RAD17: variants seen among roughly 807,000 people sequenced by gnomAD.
The protein encoded by RAD17 is RAD17 checkpoint clamp loader component.
RAD17 carries 31 observed loss-of-function variants against 81.5 expected under a neutral mutation model. The observed-to-expected ratio is 0.38, with a 90% CI of 0.29 to 0.51. RAD17 has a LOEUF of 0.51. RAD17 is among the 20% of genes least tolerant of loss of function. The pLI is 0.88. For synonymous variants in RAD17, 261 were observed against 266.2 expected, an observed-to-expected ratio of 0.98 and a Z score of 0.19; for missense variants, 681 against 781.2, an observed-to-expected ratio of 0.87 and a Z score of 1.53.
At chr5:69,375,978 A>G (rs1052743822) in intron 6 of RAD17, among the ~76,000 whole-genome samples, 1 of 152,112 alleles carries the variant, frequency 6.6e-6, no homozygotes, top group African/African-American at 2.4e-5. Context: ...TGATTAACTT[A>G]TTCGTCTATC....
intron 13 of RAD17, 86 bp downstream of exon 13, chr5:69,392,099 T>C (rs887729423): frequency 3.3e-6 from 4 of 1,216,196 alleles, no homozygotes; most frequent in Admixed American, 3.0e-5. Flanking sequence ...AAAAATGTCA[T>C]GTATTTTGGT....
intron 18 of RAD17, among the ~76,000 whole-genome samples, chr5:69,413,802 A>C (rs949982102): frequency 2.6e-5 from 4 of 152,212 alleles, no homozygotes; most frequent in Non-Finnish European, 5.9e-5. Flanking sequence ...CCCACAGTGC[A>C]GATAGTACAG....
rs577617741 is a variant in RAD17 at position 69,405,911 on chromosome 5, G to A, written c.1694-4582G>A. 5.9e-4 allele frequency among the ~76,000 whole-genome samples: 89 copies of A among 151,844 alleles called. 1 individual carries two copies. The highest frequency in any genetic ancestry group is 6.8e-3 in the Middle Eastern group (2 of 292). On this transcript the variant is annotated intron_variant, in intron 17 of 18. Transcript: ENST00000354868. ...TAAAAAATTAGCCAGATGTGGTGGT[G>A]TACTCCTGTAATCCCAGCTACCGTG...
intron 6 of RAD17, among the ~76,000 whole-genome samples, chr5:69,377,665 A>ATATGCATACATATATGCATG (rs1561240488): frequency 2.1e-5 from 1 of 46,968 alleles, no homozygotes; most frequent in African/African-American, 5.8e-5. Context: ...ATATATGTAT[A>ATATGCATACATATATGCATG]CATATATATA....
chr5:69,407,110 C>T (rs1397033026), intron 17 of RAD17, among the ~76,000 whole-genome samples: 1 of 147,844 alleles, frequency 6.8e-6, no homozygotes, highest in Non-Finnish European at 1.5e-5. Context: ...TCAAGCGATT[C>T]TCCTACCTCA....
At chr5:69,374,377 T>C (rs1355880347) in intron 5 of RAD17, among the ~76,000 whole-genome samples, 1 of 152,206 alleles carries the variant, frequency 6.6e-6, no homozygotes, top group African/African-American at 2.4e-5. Context: ...TCTCAAAATG[T>C]ATTTCTGAAT....
chr5:69,387,408 T>C (rs992032612), intron 11 of RAD17, among the ~76,000 whole-genome samples: 3 of 152,110 alleles, frequency 2.0e-5, no homozygotes, highest in African/African-American at 7.2e-5. Context: ...GAGGGAAATA[T>C]CCAAGGGAGA....
Position 69,377,484 on chromosome 5 carries a change from C to T in RAD17, c.351+2773C>T, listed in dbSNP as rs1561238962. Among the ~76,000 whole-genome samples the T allele has an allele frequency of 2.1e-3, 145 of 67,662 alleles. 30 individuals carry two copies. The highest frequency in any genetic ancestry group is 4.9e-3 in the African/African-American group (91 of 18,670). The allele number at this position is 67,662 out of a possible 152,430, so 44.4% of individuals were successfully genotyped here. On this transcript the variant is annotated intron_variant, in intron 6 of 18. Coordinates refer to ENST00000354868, the MANE Select transcript of RAD17 (RefSeq NM_133338.3). ...ATATATATATATATATACACACACACACATATATATACGTATATATATGTA... is the reference window on the plus strand; with the variant it reads ...ATATATATATATATATACACACACATACATATATATACGTATATATATGTA...
chr5:69,377,471 A>G (rs2150779597), intron 6 of RAD17, among the ~76,000 whole-genome samples: 1 of 5,700 alleles, frequency 1.8e-4, no homozygotes, highest in South Asian at 6.1e-3. Flanking sequence ...ATATATATAT[A>G]TATACACACA....
At chr5:69,370,820 C>G (rs1209168177) in intron 1 of RAD17, 2 of 186,172 alleles carry the variant, frequency 1.1e-5, no homozygotes, top group African/African-American at 4.8e-5. Context: ...TGCCTCCAAA[C>G]TGTAAAGTAG....
chr5:69,369,566 C>T, upstream of RAD17: 1 of 1,607,164 alleles, frequency 6.2e-7, no homozygotes, highest in South Asian at 1.1e-5. Flanking sequence ...AAGGGGCGGG[C>T]GGCAGCAAAA....
chr5:69,396,407 T>C lies in RAD17; in HGVS notation c.1433T>C (p.Leu478Ser). 1.2e-6 allele frequency: 2 copies of C among 1,610,878 alleles called. No homozygotes were observed. The highest frequency in any genetic ancestry group is 1.7e-6 in the Non-Finnish European group (2 of 1,178,362). ...ILSGDWNTRS[L>S]LREYSTSIAT... ...TGTCTCATTTGTTAGACACGCTCTT[T>C]ACTCAGGGAATATAGCACATCTATA... is the stretch of plus-strand genomic sequence containing the variant. Residue 478 changes from leucine (L) to serine (S), a missense_variant, in exon 16 of 19, where the codon TTA becomes TCA. Leu to Ser is a moderately radical substitution (Grantham distance 145, BLOSUM62 -2). Transcript: ENST00000354868.
In RAD17 at chr5:69,410,965, C is replaced by CCATATATATATATATATA. The variant is rs1554044687; in HGVS notation, c.1751+415_1751+416insCATATATATATATATATA. Among the ~76,000 whole-genome samples the CCATATATATATATATATA allele has an allele frequency of 9.4e-4, 85 of 90,234 alleles. 2 individuals are homozygous for CCATATATATATATATATA. The highest frequency in any genetic ancestry group is 1.6e-3 in the South Asian group (4 of 2,532). 59.2% of individuals were successfully genotyped at this position (90,234 alleles called of 152,430 possible). ...AAACAAGCAAAAAATAGATGTCTGT[C>CCATATATATATATATATA]TATATATATATATATATATATATAT... On this transcript the variant is annotated intron_variant, in intron 18 of 18. Transcript: ENST00000354868.
chr5:69,409,153 C>T (rs957936415), intron 17 of RAD17, among the ~76,000 whole-genome samples: 8 of 152,112 alleles, frequency 5.3e-5, no homozygotes, highest in African/African-American at 1.9e-4. Context: ...AATCTCTAAG[C>T]CACTTATTCT....
intron 12 of RAD17, among the ~76,000 whole-genome samples, chr5:69,389,444 AG>A (rs1764410504): frequency 6.6e-6 from 1 of 152,210 alleles, no homozygotes; most frequent in Non-Finnish European, 1.5e-5. Context: ...AGGCCTATGC[AG>A]GTGACTCTTA....
At chr5:69,381,430 G>C (rs904715188) in intron 6 of RAD17, among the ~76,000 whole-genome samples, 2 of 151,532 alleles carry the variant, frequency 1.3e-5, no homozygotes, top group African/African-American at 4.9e-5. Context: ...GCAGTGAGCC[G>C]AGATTATGCC....
chr5:69,370,854 A>C (rs1762922995), intron 1 of RAD17, 181 bp from the exon 2 acceptor site: 6 of 227,124 alleles, frequency 2.6e-5, no homozygotes, highest in Middle Eastern at 1.9e-3. Flanking sequence ...CCAATGTATA[A>C]GTTTGTAGAC....
Position 69,372,154 on chromosome 5 carries a change from T to C in RAD17, c.-55T>C, listed in dbSNP as rs553777490. The C allele has an allele frequency of 1.9e-6, 3 of 1,580,652 alleles. No individual in the cohort carries two copies. Among genetic ancestry groups the C allele is most frequent in the East Asian group, 2.3e-5 (1 of 44,414 alleles). Reference sequence around the variant, plus strand: ...AGATATTTTCATACTCTCAAAAATATAGAGGAAAGGGGCCAAGATTATAGT... The same window carrying C: ...AGATATTTTCATACTCTCAAAAATACAGAGGAAAGGGGCCAAGATTATAGT... On this transcript the variant is annotated 5_prime_UTR_variant, in exon 4 of 19. The change abolishes the stop of an existing upstream ORF in the 5' untranslated region. Coordinates refer to ENST00000354868, the MANE Select transcript of RAD17 (RefSeq NM_133338.3).
intron 6 of RAD17, among the ~76,000 whole-genome samples, chr5:69,377,598 C>T (rs1224795843): frequency 7.6e-4 from 4 of 5,242 alleles, no homozygotes; most frequent in Non-Finnish European, 7.5e-3. Context: ...TATATATATG[C>T]ATATATATAT....
Sources: gnomAD v4.1 joint callset for allele counts (sites outside exome capture counted in the v4.1 genomes callset) on GRCh38, gnomAD v4.1.1 for gene constraint, MANE v1.5 for transcripts, NCBI Gene and HGNC (gene_info 2026-07-23, HGNC 2026-07-21) for gene names.